The following SCFD2 variants were observed in gnomAD, a reference collection of about 807,000 sequenced individuals.
SCFD2 encodes sec1 family domain containing 2.
SCFD2 carries 54 observed loss-of-function variants against 58.9 expected under a neutral mutation model. The ratio of observed to expected loss-of-function variants is 0.92; its 90% CI spans 0.74 to 1.15. SCFD2 has a LOEUF of 1.15. Ranked by LOEUF, SCFD2 falls within the 50% of genes most tolerant of loss-of-function variation. SCFD2 has a pLI of 0.00. For synonymous variants in SCFD2, 321 were observed against 335.9 expected, an observed-to-expected ratio of 0.96 and a Z score of 0.49; for missense variants, 805 against 836.6, an observed-to-expected ratio of 0.96 and a Z score of 0.47.
chr4:53,316,964 G>A (rs946022216), intron 2 of SCFD2, among the ~76,000 whole-genome samples: 4 of 151,918 alleles, frequency 2.6e-5, no homozygotes, highest in Admixed American at 2.6e-4. Context: ...GAAATTAACC[G>A]GGAGTGGTGG....
At chr4:53,015,395 A>C (rs1265373000) in intron 5 of SCFD2, among the ~76,000 whole-genome samples, 1 of 152,172 alleles carries the variant, frequency 6.6e-6, no homozygotes, top group African/African-American at 2.4e-5. Context: ...TCTGCCCTGA[A>C]GAATTTTTAG....
intron 4 of SCFD2, among the ~76,000 whole-genome samples, chr4:53,211,076 C>G (rs1249462746): frequency 6.6e-6 from 1 of 152,012 alleles, no homozygotes; most frequent in Admixed American, 6.5e-5. Flanking sequence ...AACCCTGTCT[C>G]TACTAAAATA....
At chr4:52,984,134 T>C (rs1721437047) in intron 5 of SCFD2, among the ~76,000 whole-genome samples, 1 of 152,216 alleles carries the variant, frequency 6.6e-6, no homozygotes, top group Non-Finnish European at 1.5e-5. Context: ...TCATTGCCCC[T>C]GCCAGGTTCC....
intron 3 of SCFD2, among the ~76,000 whole-genome samples, chr4:53,291,984 T>A (rs1004930923): frequency 1.4e-4 from 22 of 152,144 alleles, no homozygotes; most frequent in Non-Finnish European, 3.1e-4. Flanking sequence ...TAATTCAAAA[T>A]TTTTTTAATT....
intron 5 of SCFD2, among the ~76,000 whole-genome samples, chr4:52,933,783 C>A (rs1017082929): frequency 2.6e-5 from 4 of 152,190 alleles, no homozygotes; most frequent in South Asian, 2.1e-4. Flanking sequence ...ATGTGTCCCC[C>A]AAAAGTTCAT....
chr4:53,260,554 A>G (rs1410460859), intron 4 of SCFD2, among the ~76,000 whole-genome samples: 1 of 152,164 alleles, frequency 6.6e-6, no homozygotes, highest in Non-Finnish European at 1.5e-5. Flanking sequence ...ATGTTAAACC[A>G]TCCCTCCATC....
intron 4 of SCFD2, among the ~76,000 whole-genome samples, chr4:53,243,580 A>G (rs1349081835): frequency 6.6e-6 from 1 of 152,204 alleles, no homozygotes; most frequent in Non-Finnish European, 1.5e-5. Context: ...ACAAGTTGGC[A>G]TAATGACCAC....
chr4:53,352,851 C>A, intron 1 of SCFD2, 85 bp from the exon 2 acceptor site: 2 of 1,132,836 alleles, frequency 1.8e-6, no homozygotes, highest in African/African-American at 1.5e-5. Context: ...CACCTTCTAT[C>A]AAAAATAACA....
At position 53,352,174 on chromosome 4, in the gene SCFD2, A is replaced by T. The variant is rs1040979348; in HGVS notation, c.1007+424T>A. Among the ~76,000 whole-genome samples the T allele has an allele frequency of 1.7e-4, 26 of 152,240 alleles. 3 individuals are homozygous for T. Among genetic ancestry groups the T allele is most frequent in the Admixed American group, 1.4e-3 (22 of 15,288 alleles). ...TACTTAGAAATAAAAACTTCTGTTG[A>T]TATCCACAGGTATATCATCTAATAT... On this transcript the variant is annotated intron_variant, in intron 2 of 8. Coordinates refer to ENST00000401642, the MANE Select transcript of SCFD2 (RefSeq NM_152540.4).
At chr4:53,332,401 G>T (rs1405923545) in intron 2 of SCFD2, among the ~76,000 whole-genome samples, 1 of 151,458 alleles carries the variant, frequency 6.6e-6, no homozygotes, top group African/African-American at 2.4e-5. Flanking sequence ...TATCCACCAT[G>T]ATCAAGTGGG....
intron 3 of SCFD2, among the ~76,000 whole-genome samples, chr4:53,298,193 T>C (rs1732117142): frequency 6.6e-6 from 1 of 152,120 alleles, no homozygotes. Flanking sequence ...TTCCCTTTCC[T>C]AGTCAAAGAA....
intron 2 of SCFD2, among the ~76,000 whole-genome samples, chr4:53,337,802 A>C (rs923026914): frequency 6.6e-6 from 1 of 152,236 alleles, no homozygotes; most frequent in African/African-American, 2.4e-5. Flanking sequence ...ATCCTGACAC[A>C]AGAGTATACA....
intron 5 of SCFD2, among the ~76,000 whole-genome samples, chr4:53,059,310 G>A (rs559142836): frequency 1.3e-5 from 2 of 152,134 alleles, no homozygotes; most frequent in African/African-American, 2.4e-5. Context: ...GTAGTGAAGG[G>A]CAAAGCCAGC....
At chr4:53,339,955 A>G (rs1400859214) in intron 2 of SCFD2, among the ~76,000 whole-genome samples, 1 of 152,228 alleles carries the variant, frequency 6.6e-6, no homozygotes, top group African/African-American at 2.4e-5. Context: ...AATGATCTAA[A>G]TATAACAAGC....
rs558159432 is a variant in SCFD2 at position 52,992,444 on chromosome 4, G to A, written c.1562-71574C>T. On this transcript the variant is annotated intron_variant, in intron 5 of 8. Transcript: ENST00000401642. ...CCGAGATTGCAGCCTCTGCCGGGCC[G>A]CCACCCCGTCTGGGAAGTGAGGAGC... is the stretch of plus-strand genomic sequence containing the variant. 1.5e-4 allele frequency among the ~76,000 whole-genome samples: 23 copies of A among 152,328 alleles called. No homozygotes were observed. In the South Asian group the frequency reaches 3.5e-3, roughly 23 times the overall value.
At chr4:53,196,788 A>C (rs563987929) in intron 4 of SCFD2, among the ~76,000 whole-genome samples, 35 of 152,186 alleles carry the variant, frequency 2.3e-4, no homozygotes, top group African/African-American at 8.2e-4. Flanking sequence ...AAAAAAAAAA[A>C]AGTCTAAATC....
chr4:53,066,942 T>C (rs1444977441), intron 5 of SCFD2, among the ~76,000 whole-genome samples: 1 of 152,186 alleles, frequency 6.6e-6, no homozygotes, highest in East Asian at 1.9e-4. Flanking sequence ...AAGGGGCTGA[T>C]GATGCTCATT....
rs113186133 is a variant in SCFD2, at chr4:52,894,540, G to A, written c.1843-8674C>T. Reference sequence around the variant, plus strand: ...GGGTAAGGTATGTCTTGATTTATTTGTTAGATCATTATCAAGCTTTCCTCT... The same window carrying A: ...GGGTAAGGTATGTCTTGATTTATTTATTAGATCATTATCAAGCTTTCCTCT... On this transcript the variant is annotated intron_variant, in intron 7 of 8. Coordinates refer to ENST00000401642, the MANE Select transcript of SCFD2 (RefSeq NM_152540.4). 5.1e-3 allele frequency among the ~76,000 whole-genome samples: 779 copies of A among 152,284 alleles called. 9 individuals carry two copies. The highest frequency in any genetic ancestry group is 0.018 in the African/African-American group (739 of 41,554).
At chr4:52,877,318 AAAG>A (rs753648448) in intron 8 of SCFD2, among the ~76,000 whole-genome samples, 12 of 152,124 alleles carry the variant, frequency 7.9e-5, no homozygotes, top group Non-Finnish European at 1.6e-4. Flanking sequence ...GGAGGGGTGA[AAAG>A]AAACAGATGG....
Sources: allele counts gnomAD v4.1 joint callset (sites outside exome capture counted in the v4.1 genomes callset), GRCh38; gene constraint gnomAD v4.1.1; transcripts MANE v1.5; gene names NCBI Gene and HGNC (gene_info 2026-07-23, HGNC 2026-07-21).